DMTN: variants seen among roughly 807,000 people sequenced by gnomAD.
DMTN encodes the protein dematin actin binding protein.
In DMTN, 27 loss-of-function variants were observed where a neutral mutation model predicts 59.4. That is an observed-to-expected ratio of 0.45 (90% CI 0.33 to 0.63). The LOEUF is 0.63. DMTN is among the 20% of genes least tolerant of loss of function. DMTN has a pLI of 0.02. For synonymous variants in DMTN, 221 were observed against 203.7 expected (o/e 1.08, Z -0.72); for missense variants, 451 against 528.9 (o/e 0.85, Z 1.45).
At chr8:22,069,701 G>A (rs1328444644) in intron 6 of DMTN, among the ~76,000 whole-genome samples, 180 bp from the exon 7 acceptor site, 3 of 152,122 alleles carry the variant, frequency 2.0e-5, no homozygotes, top group African/African-American at 7.2e-5. Context: ...TCCCCCAGCC[G>A]GAAAAGTGTA....
In DMTN at chr8:22,058,420, G is replaced by A. The variant is rs904282588; in HGVS notation, c.-172+1284G>A. Among the ~76,000 whole-genome samples, 4 of 152,348 alleles carry A rather than the reference G, an allele frequency of 2.6e-5. No homozygotes were observed. The highest frequency in any genetic ancestry group is 5.9e-5 in the Non-Finnish European group (4 of 68,030). ...TACAACAGGACCAGCTATAAATGGA[G>A]GGGAAGCAGTCCGCCTGAGGGGGCT... On this transcript the variant is annotated intron_variant, in intron 1 of 15. Transcript: ENST00000358242. This position sits in a 1 kb window ranked among gnomAD's most constrained non-coding sequence, Gnocchi z 4.3.
rs143353352 is a variant in DMTN, at chr8:22,076,343, G to A, written c.835+2508G>A. Among the ~76,000 whole-genome samples, 330 of 152,226 alleles carry A rather than the reference G, an allele frequency of 2.2e-3. 4 individuals carry two copies. Among genetic ancestry groups the A allele is most frequent in the African/African-American group, 7.5e-3 (311 of 41,538 alleles). On this transcript the variant is annotated intron_variant, in intron 10 of 15. Transcript: ENST00000358242. ...CATTAAAGGTCCAGTCGGGGCTCAT[G>A]CCTGTAATCCCAGCACTTTGGAAGG...
intron 10 of DMTN, 146 bp from the exon 11 acceptor site, chr8:22,080,034 T>C: frequency 2.4e-6 from 2 of 816,876 alleles, no homozygotes; most frequent in South Asian, 3.1e-5. Context: ...CAGTAGGAGC[T>C]GGGAGCTAGC....
intron 1 of DMTN, chr8:22,059,628 C>A (rs1273268025): frequency 6.6e-6 from 1 of 152,220 alleles, no homozygotes; most frequent in Admixed American, 6.5e-5. Context: ...ATTTGGGGGG[C>A]CTTCGGCAAG....
Position 22,058,768 on chromosome 8 carries a change from GA to G in DMTN, c.-172+1633del, listed in dbSNP as rs1804176266. Among the ~76,000 whole-genome samples, 1 of 152,244 alleles carries G rather than the reference GA, an allele frequency of 6.6e-6. No individual in the cohort carries two copies. Among genetic ancestry groups the G allele is most frequent in the African/African-American group, 2.4e-5 (1 of 41,470 alleles). On this transcript the variant is annotated intron_variant, in intron 1 of 15. Transcript: ENST00000358242. This position sits in a 1 kb window ranked among gnomAD's most constrained non-coding sequence, Gnocchi z 4.3. ...AACGGTAAAAAACATTGGAGTAGGG[GA>G]GAGGGAGAAAGTGGGAGAAGAGGAG...
At chr8:22,080,038 A>G (rs1823098929) in intron 10 of DMTN, 142 bp from the exon 11 acceptor site, 5 of 842,266 alleles carry the variant, frequency 5.9e-6, no homozygotes, top group Non-Finnish European at 7.7e-6. Context: ...AGGAGCTGGG[A>G]GCTAGCAGAA....
Position 22,066,807 on chromosome 8 carries a change from C to G in DMTN, c.-69C>G. On this transcript the variant is annotated 5_prime_UTR_variant, in exon 2 of 16. Coordinates refer to ENST00000358242, the MANE Select transcript of DMTN (RefSeq NM_001387751.1). Reference sequence around the variant, plus strand: ...GCAGCGCCCAGCAGCCGCGCCGAGCCTGACACGCTGTCCTCTCCCCTCGCG... The same window carrying G: ...GCAGCGCCCAGCAGCCGCGCCGAGCGTGACACGCTGTCCTCTCCCCTCGCG... 1 of 1,413,170 alleles carries G rather than the reference C, an allele frequency of 7.1e-7. No homozygotes were observed. 87.5% of individuals were successfully genotyped at this position (1,413,170 alleles called of 1,614,324 possible). A position where few individuals can be genotyped will look rare whatever the true frequency, so the allele number is the denominator to read the frequency against.
intron 10 of DMTN, among the ~76,000 whole-genome samples, chr8:22,075,370 G>T (rs1019016692): frequency 6.7e-6 from 1 of 150,126 alleles, no homozygotes; most frequent in South Asian, 2.1e-4. Flanking sequence ...TCTTCTTCTG[G>T]CAGGGTCTTG....
intron 9 of DMTN, 72 bp from the exon 10 acceptor site, chr8:22,073,658 A>T: frequency 6.1e-6 from 4 of 656,316 alleles, no homozygotes; most frequent in Non-Finnish European, 8.3e-6. Flanking sequence ...AAAAAGAAAG[A>T]AAAAAAAAAA....
intron 7 of DMTN, 88 bp downstream of exon 7, chr8:22,070,025 C>G: frequency 1.3e-6 from 2 of 1,578,278 alleles, no homozygotes; most frequent in East Asian, 2.2e-5. Context: ...TGGAGGGGGT[C>G]GGGAGGATAG....
Position 22,066,796 on chromosome 8 carries a change from C to A in DMTN, c.-80C>A. ...GCCCCAAGCGCGCAGCGCCCAGCAG[C>A]CGCGCCGAGCCTGACACGCTGTCCT... is the stretch of plus-strand genomic sequence containing the variant. On this transcript the variant is annotated 5_prime_UTR_variant, in exon 2 of 16. Coordinates refer to ENST00000358242, the MANE Select transcript of DMTN (RefSeq NM_001387751.1). 1 of 1,394,170 alleles carries A rather than the reference C, an allele frequency of 7.2e-7. No individual in the cohort carries two copies. 86.4% of individuals were successfully genotyped at this position (1,394,170 alleles called of 1,614,324 possible).
At chr8:22,080,515 G>C in intron 12 of DMTN, 55 bp downstream of exon 12, 6 of 1,614,034 alleles carry the variant, frequency 3.7e-6, no homozygotes, top group Non-Finnish European at 5.1e-6. Flanking sequence ...ACAGGTCCCT[G>C]GGCAGCCGGG....
chr8:22,049,882 G>A (rs1361376866), upstream of DMTN, among the ~76,000 whole-genome samples: 5 of 152,160 alleles, frequency 3.3e-5, no homozygotes, highest in Non-Finnish European at 7.3e-5. Context: ...AAAAATGAGA[G>A]AGGAAGTGGG....
At chr8:22,079,104 C>T (rs1258137984) in intron 10 of DMTN, among the ~76,000 whole-genome samples, 1 of 151,114 alleles carries the variant, frequency 6.6e-6, no homozygotes, top group Non-Finnish European at 1.5e-5. Context: ...AGCCTAATGT[C>T]AGACTTTTAA....
At chr8:22,061,785 A>C (rs1728025809) in intron 1 of DMTN, among the ~76,000 whole-genome samples, 3 of 132,956 alleles carry the variant, frequency 2.3e-5, no homozygotes, top group Non-Finnish European at 3.1e-5. Flanking sequence ...ACAGAATCTC[A>C]CTCTGTTGCC....
At chr8:22,063,015 C>T (rs1035579829) in intron 1 of DMTN, among the ~76,000 whole-genome samples, 5 of 152,136 alleles carry the variant, frequency 3.3e-5, no homozygotes, top group African/African-American at 1.2e-4. Flanking sequence ...TCTCCCTTGG[C>T]AATCTCATGT....
In DMTN at chr8:22,072,288, C is replaced by T. The variant is rs757619813; in HGVS notation, c.605-38C>T. On this transcript the variant is annotated intron_variant, in intron 8 of 15. Coordinates refer to ENST00000358242, the MANE Select transcript of DMTN (RefSeq NM_001387751.1). Reference sequence around the variant, plus strand: ...ATGTAAACACACACTGACCCCATGGCGAGTGACTCCCTCCCCACCTTTGCT... The same window carrying T: ...ATGTAAACACACACTGACCCCATGGTGAGTGACTCCCTCCCCACCTTTGCT... The T allele has an allele frequency of 2.2e-5, 35 of 1,571,990 alleles. 1 individual carries two copies. In the South Asian group the frequency reaches 2.8e-4, roughly 12 times the overall value.
intron 1 of DMTN, among the ~76,000 whole-genome samples, chr8:22,063,723 C>T (rs890165929): frequency 3.9e-5 from 6 of 152,142 alleles, no homozygotes; most frequent in African/African-American, 7.2e-5. Flanking sequence ...CTTTCAAGGC[C>T]GACCTCAGAT....
In DMTN at chr8:22,069,220, G is replaced by A. The variant is rs897532262; in HGVS notation, c.294+160G>A. ...CCAGCTCTGTGTCCATCATTCTGTCGGACCCAGGACCTCAACCCTTTCTCC... is the reference window on the plus strand; with the variant it reads ...CCAGCTCTGTGTCCATCATTCTGTCAGACCCAGGACCTCAACCCTTTCTCC... On this transcript the variant is annotated intron_variant, in intron 5 of 15. Transcript: ENST00000358242. The A allele has an allele frequency of 1.7e-5, 16 of 934,628 alleles. No individual in the cohort carries two copies. The East Asian group carries it at 1.9e-4, about 11-fold the overall frequency. The allele number at this position is 934,628 out of a possible 1,614,324, so 57.9% of individuals were successfully genotyped here. A position where few individuals can be genotyped will look rare whatever the true frequency, so the allele number is the denominator to read the frequency against.
Sources: allele counts gnomAD v4.1 joint callset (sites outside exome capture counted in the v4.1 genomes callset), GRCh38; gene constraint gnomAD v4.1.1; non-coding constraint Gnocchi (gnomAD v3.1); transcripts MANE v1.5; gene names NCBI Gene and HGNC (gene_info 2026-07-23, HGNC 2026-07-21).